Variants in HDAC8 observed in about 807,000 individuals in gnomAD.
HDAC8 encodes the protein histone deacetylase-like 1.
HDAC8 carries 1 observed loss-of-function variant against 32.2 expected under a neutral mutation model. That is an observed-to-expected ratio of 0.03 (90% CI 0.01 to 0.15). The LOEUF (loss-of-function observed/expected upper bound fraction) is 0.15. HDAC8 is among the 10% of genes least tolerant of loss of function. The pLI, the probability that HDAC8 is intolerant of heterozygous loss-of-function variation, is 1.00. For synonymous variants in HDAC8, 108 were observed against 113.9 expected, an observed-to-expected ratio of 0.95 and a Z score of 0.33; for missense variants, 117 against 300.0, an observed-to-expected ratio of 0.39 and a Z score of 4.51.
intron 9 of HDAC8, among the ~76,000 whole-genome samples, chrX:72,450,999 G>A (rs781789416): frequency 1.8e-5 from 2 of 111,049 alleles, no homozygotes; most frequent in South Asian, 7.6e-4. Context: ...TGAATTTCCA[G>A]ATTGCAAATA....
At chrX:72,420,530 T>C (rs2046458323) in intron 9 of HDAC8, among the ~76,000 whole-genome samples, 2 of 112,472 alleles carry the variant, frequency 1.8e-5, no homozygotes, top group Non-Finnish European at 3.8e-5. Flanking sequence ...TCAATTTCAT[T>C]GATCTTTTCA....
At chrX:72,559,728 T>C (rs2051451068) in intron 4 of HDAC8, among the ~76,000 whole-genome samples, 1 of 106,506 alleles carries the variant, frequency 9.4e-6, no homozygotes, top group Non-Finnish European at 1.9e-5. Flanking sequence ...CGGGACCCCA[T>C]CTGGGAGGTG....
intron 7 of HDAC8, among the ~76,000 whole-genome samples, chrX:72,466,049 G>A (rs1427177704): frequency 9.0e-6 from 1 of 111,718 alleles, no homozygotes; most frequent in Non-Finnish European, 1.9e-5. Context: ...TTATCTCCTG[G>A]GTGCAGAGGG....
At chrX:72,363,746 G>C (rs1217109951) in intron 9 of HDAC8, among the ~76,000 whole-genome samples, 1 of 111,356 alleles carries the variant, frequency 9.0e-6, no homozygotes, top group Non-Finnish European at 1.9e-5. Flanking sequence ...TAAATTTTTT[G>C]TATTTTTAGC....
intron 4 of HDAC8, among the ~76,000 whole-genome samples, chrX:72,530,435 AT>A (rs2050296161): frequency 1.1e-5 from 1 of 93,579 alleles, no homozygotes; most frequent in Admixed American, 1.1e-4. Flanking sequence ...CTCATATGCT[AT>A]TTTATGCGTT....
At chrX:72,540,407 C>G (rs1324944733) in intron 4 of HDAC8, among the ~76,000 whole-genome samples, 3 of 112,029 alleles carry the variant, frequency 2.7e-5, no homozygotes, top group Non-Finnish European at 3.8e-5. Flanking sequence ...ATGCTCTGAC[C>G]TGATGAAACA....
chrX:72,466,138 G>A (rs1343586652), intron 7 of HDAC8, among the ~76,000 whole-genome samples: 1 of 111,547 alleles, frequency 9.0e-6, no homozygotes, highest in East Asian at 2.8e-4. Flanking sequence ...CTGCTGCTGG[G>A]AGATACAGAG....
chrX:72,489,661 C>A (rs1428465313), intron 6 of HDAC8, among the ~76,000 whole-genome samples: 1 of 110,379 alleles, frequency 9.1e-6, no homozygotes, highest in Non-Finnish European at 1.9e-5. Context: ...AGAAGAAAAC[C>A]TAGGCATCAC....
Position 72,464,619 on chromosome X carries a change from T to G in HDAC8, c.850A>C (p.Ile284Leu), listed in dbSNP as rs1372770954. The change falls in exon 8 of 11, where the codon ATT (isoleucine) becomes CTT (leucine). Residue 284 changes from isoleucine (I) to leucine (L), a missense_variant. By Grantham distance (5) the Ile-to-Leu change is conservative. Coordinates refer to ENST00000373573, the MANE Select transcript of HDAC8 (RefSeq NM_018486.3). ...AGGATGTACTTAAGACACTTGCCAA[T>G]TCCCACTGGAGTCATGTTAAAGGAG... is the stretch of plus-strand genomic sequence containing the variant. ...MCSFNMTPVG[I>L]GKCLKYILQW... 8.3e-7 allele frequency: 1 copy of G among 1,207,980 alleles called. No homozygotes were observed. The highest frequency in any genetic ancestry group is 1.7e-5 in the African/African-American group (1 of 57,737).
intron 4 of HDAC8, among the ~76,000 whole-genome samples, chrX:72,506,118 G>A (rs781878686): frequency 2.8e-4 from 31 of 111,582 alleles, no homozygotes; most frequent in African/African-American, 9.1e-4. Context: ...AAACCTAGAC[G>A]AACACAGAAC....
intron 9 of HDAC8, among the ~76,000 whole-genome samples, chrX:72,456,455 T>C (rs1471851940): frequency 9.0e-6 from 1 of 111,421 alleles, no homozygotes; most frequent in African/African-American, 3.3e-5. Flanking sequence ...TACTATATTA[T>C]ATGTGAAGTA....
intron 9 of HDAC8, among the ~76,000 whole-genome samples, chrX:72,384,283 G>C (rs1362000594): frequency 8.9e-6 from 1 of 112,178 alleles, no homozygotes; most frequent in Admixed American, 9.5e-5. Context: ...TATTTAGCAT[G>C]ACTAATAAAG....
chrX:72,568,327 C>T (rs1556140446), intron 3 of HDAC8, among the ~76,000 whole-genome samples: 1 of 112,075 alleles, frequency 8.9e-6, no homozygotes, highest in African/African-American at 3.2e-5. Flanking sequence ...CTGTTGACCC[C>T]CCAGTTCAAT....
At chrX:72,365,240 T>G (rs782357255) in intron 9 of HDAC8, among the ~76,000 whole-genome samples, 60 of 111,748 alleles carry the variant, frequency 5.4e-4, no homozygotes, top group Non-Finnish European at 1.1e-3. Flanking sequence ...TTGGAGCGTT[T>G]TAAAGTTCAG....
At chrX:72,424,221 C>T (rs1265730981) in intron 9 of HDAC8, among the ~76,000 whole-genome samples, 5 of 111,769 alleles carry the variant, frequency 4.5e-5, no homozygotes, top group African/African-American at 9.7e-5. Context: ...AATTTTTCTC[C>T]TTACAACTGT....
chrX:72,499,220 A>G (rs191878714), intron 4 of HDAC8, among the ~76,000 whole-genome samples: 16 of 111,870 alleles, frequency 1.4e-4, no homozygotes, highest in African/African-American at 4.2e-4. Flanking sequence ...TATTCCTTTA[A>G]AAGAACACAG....
chrX:72,474,088 A>G, intron 7 of HDAC8: 6 of 733,200 alleles, frequency 8.2e-6, no homozygotes, highest in Non-Finnish European at 9.7e-6. Flanking sequence ...CCCAGATTTT[A>G]TAAACACTCA....
At chrX:72,374,629 G>A (rs1219011770) in intron 9 of HDAC8, among the ~76,000 whole-genome samples, 2 of 109,333 alleles carry the variant, frequency 1.8e-5, no homozygotes, top group Admixed American at 9.7e-5. Context: ...CTGAGATCAC[G>A]TCATTGCACT....
intron 9 of HDAC8, among the ~76,000 whole-genome samples, chrX:72,375,950 G>T (rs1032694395): frequency 2.7e-5 from 3 of 112,066 alleles, no homozygotes; most frequent in South Asian, 3.7e-4. Flanking sequence ...ACTTGGTTTA[G>T]GTCTATTCAG....
Sources: allele counts gnomAD v4.1 joint callset (sites outside exome capture counted in the v4.1 genomes callset), GRCh38; gene constraint gnomAD v4.1.1; transcripts MANE v1.5; gene names NCBI Gene and HGNC (gene_info 2026-07-23, HGNC 2026-07-21).